EYS: variants seen among roughly 807,000 people sequenced by gnomAD.
EYS encodes the protein EGF-like photoreceptor maintenance factor, also known as protein eyes shut homolog.
A neutral mutation model predicts 282.1 loss-of-function variants in EYS; 250 were observed. The ratio of observed to expected loss-of-function variants is 0.89; its 90% CI spans 0.80 to 0.98. EYS has a LOEUF of 0.98. EYS is among the 50% of genes least tolerant of loss of function. EYS has a pLI of 0.00. For missense variants in EYS, 4,016 were observed against 3,709.0 expected (o/e 1.08, Z -2.15); for synonymous variants, 1,355 against 1,282.9 (o/e 1.06, Z -1.20).
intron 36 of EYS, among the ~76,000 whole-genome samples, chr6:63,837,466 C>A (rs985621521): frequency 1.3e-5 from 2 of 151,906 alleles, no homozygotes; most frequent in Admixed American, 6.6e-5. Flanking sequence ...CTGAACAAGA[C>A]CCCAGAAAGG....
chr6:63,925,768 C>T (rs527352371), intron 35 of EYS, among the ~76,000 whole-genome samples: 19 of 152,272 alleles, frequency 1.2e-4, no homozygotes, highest in Admixed American at 6.5e-4. Flanking sequence ...CTCAGCCTCC[C>T]GAGTAGTTGG....
At chr6:64,788,595 T>C (rs187109964) in intron 22 of EYS, among the ~76,000 whole-genome samples, 1 of 152,286 alleles carries the variant, frequency 6.6e-6, no homozygotes, top group African/African-American at 2.4e-5. Flanking sequence ...TAAATGCTTC[T>C]AACACTGATA....
At chr6:65,233,527 T>C (rs571816406) in intron 12 of EYS, among the ~76,000 whole-genome samples, 56 of 152,298 alleles carry the variant, frequency 3.7e-4, no homozygotes, top group African/African-American at 1.3e-3. Context: ...TAAGCTCTCC[T>C]TAGCCAGTTG....
intron 26 of EYS, among the ~76,000 whole-genome samples, chr6:64,445,140 A>G (rs912314584): frequency 6.6e-6 from 1 of 152,232 alleles, no homozygotes; most frequent in Non-Finnish European, 1.5e-5. Flanking sequence ...AGATTTTAAA[A>G]AGTCAGGACG....
chr6:65,095,724 A>G (rs984693477), intron 12 of EYS, among the ~76,000 whole-genome samples: 2 of 150,770 alleles, frequency 1.3e-5, no homozygotes, highest in African/African-American at 4.9e-5. Flanking sequence ...TAGATGCAGG[A>G]AAAGCATTTG....
intron 31 of EYS, among the ~76,000 whole-genome samples, chr6:64,160,970 A>G (rs1361112926): frequency 2.0e-5 from 3 of 152,192 alleles, no homozygotes; most frequent in African/African-American, 7.2e-5. Context: ...TGGGGGCTAA[A>G]AGCCTCACAG....
chr6:64,246,898 T>C (rs957783158), intron 30 of EYS, among the ~76,000 whole-genome samples: 3 of 147,556 alleles, frequency 2.0e-5, no homozygotes, highest in Non-Finnish European at 2.9e-5. Flanking sequence ...GGAAATTAAA[T>C]TGAAAATTAT....
At chr6:64,414,431 A>G (rs1774001378) in intron 28 of EYS, among the ~76,000 whole-genome samples, 1 of 152,084 alleles carries the variant, frequency 6.6e-6, no homozygotes. Flanking sequence ...TGATTCAAAA[A>G]CCTAATATAT....
At chr6:65,524,783 G>C (rs1370746269) in intron 2 of EYS, among the ~76,000 whole-genome samples, 5 of 152,188 alleles carry the variant, frequency 3.3e-5, no homozygotes, top group Non-Finnish European at 7.3e-5. Flanking sequence ...TGCATGTAGG[G>C]AATACAAATC....
intron 33 of EYS, among the ~76,000 whole-genome samples, chr6:64,002,228 G>A (rs1768130836): frequency 6.6e-6 from 1 of 152,184 alleles, no homozygotes; most frequent in Admixed American, 6.5e-5. Context: ...TCCAGGGGAA[G>A]ACCATCTTCC....
intron 5 of EYS, among the ~76,000 whole-genome samples, chr6:65,451,448 C>A (rs909943626): frequency 6.6e-6 from 1 of 151,988 alleles, no homozygotes; most frequent in Non-Finnish European, 1.5e-5. Flanking sequence ...CCTTTAGCAT[C>A]TAATAATTCT....
chr6:65,128,952 T>C (rs921161825), intron 12 of EYS, among the ~76,000 whole-genome samples: 1 of 152,014 alleles, frequency 6.6e-6, no homozygotes, highest in Non-Finnish European at 1.5e-5. Context: ...AGCATGGAAC[T>C]GGTACAATAG....
At chr6:63,797,640 G>C (rs942743155) in intron 37 of EYS, 1 of 152,182 alleles carries the variant, frequency 6.6e-6, no homozygotes, top group Non-Finnish European at 1.5e-5. Flanking sequence ...AGGGTTTTGA[G>C]AGCATTAGAA....
intron 15 of EYS, among the ~76,000 whole-genome samples, chr6:64,915,264 T>C (rs1190537454): frequency 6.6e-6 from 1 of 152,160 alleles, no homozygotes; most frequent in Non-Finnish European, 1.5e-5. Flanking sequence ...TAGGAACTCA[T>C]CATATATACT....
In EYS at chr6:64,594,621, C is replaced by T. The variant is rs1766519585; in HGVS notation, c.3685-1312G>A. The stretch of plus-strand genomic sequence containing the variant: ...AAACCAAACACTGCATGTTCTTACT[C>T]ACAGGTGGGAATTGAACGATGAGAA... On this transcript the variant is annotated intron_variant, in intron 24 of 42. Coordinates refer to ENST00000503581, the MANE Select transcript of EYS (RefSeq NM_001142800.2). 3.5e-5 allele frequency among the ~76,000 whole-genome samples: 5 copies of T among 144,910 alleles called. No homozygotes were observed. The Admixed American group carries it at 3.7e-4, about 11-fold the overall frequency.
chr6:65,033,301 A>G lies in EYS; in HGVS notation c.2137+24313T>C, dbSNP rs1454858605. Reference sequence around the variant, plus strand: ...GCTTTATCAGAAGAGGAATTCAAGTAGCCTGTGGAGTAATCACTTTCTAGA... The same window carrying G: ...GCTTTATCAGAAGAGGAATTCAAGTGGCCTGTGGAGTAATCACTTTCTAGA... On this transcript the variant is annotated intron_variant, in intron 13 of 42. Coordinates refer to ENST00000503581, the MANE Select transcript of EYS (RefSeq NM_001142800.2). Among the ~76,000 whole-genome samples the G allele has an allele frequency of 3.3e-5, 5 of 152,326 alleles. No homozygotes were observed. The South Asian group carries it at 6.2e-4, about 19-fold the overall frequency.
intron 5 of EYS, among the ~76,000 whole-genome samples, chr6:65,461,961 C>A (rs554543660): frequency 6.6e-6 from 1 of 152,046 alleles, no homozygotes; most frequent in South Asian, 2.1e-4. Context: ...AGAATGAAAA[C>A]CTATTACTCT....
chr6:63,870,871 G>A (rs1474832814), intron 35 of EYS, among the ~76,000 whole-genome samples: 12 of 152,108 alleles, frequency 7.9e-5, no homozygotes, highest in Non-Finnish European at 1.6e-4. Flanking sequence ...ACAGTTGTAA[G>A]GGACAATATA....
At chr6:65,242,668 ATATTTAACATTT>A (rs1255031260) in intron 12 of EYS, among the ~76,000 whole-genome samples, 1 of 152,162 alleles carries the variant, frequency 6.6e-6, no homozygotes, top group African/African-American at 2.4e-5. Context: ...TGATAAATTT[ATATTTAACATTT>A]TGAGGACTTG....
Sources: allele counts gnomAD v4.1 joint callset (sites outside exome capture counted in the v4.1 genomes callset), GRCh38; gene constraint gnomAD v4.1.1; transcripts MANE v1.5; gene names NCBI Gene and HGNC (gene_info 2026-07-23, HGNC 2026-07-21).